The following LCOR variants were observed in gnomAD, a reference collection of about 807,000 sequenced individuals.
LCOR encodes the protein ligand dependent nuclear receptor corepressor.
Under a neutral mutation model 64.4 loss-of-function variants are expected in LCOR, and 14 were observed. The observed-to-expected ratio is 0.22, with a 90% confidence interval of 0.14 to 0.34. The LOEUF (loss-of-function observed/expected upper bound fraction) is 0.34, where lower values mean the gene tolerates loss of function less well. Ranked by LOEUF, LCOR falls within the 10% of genes least tolerant of loss-of-function variation. LCOR has a pLI of 1.00. For synonymous variants in LCOR, 643 were observed against 642.5 expected (o/e 1.00, Z -0.01); for missense variants, 1,686 against 1,765.3 (o/e 0.96, Z 0.80).
At chr10:96,867,146 C>T (rs757968776) in intron 2 of LCOR, among the ~76,000 whole-genome samples, 1 of 152,118 alleles carries the variant, frequency 6.6e-6, no homozygotes, top group Non-Finnish European at 1.5e-5. Context: ...TCCCCTCAGC[C>T]TCCCAAAGTG....
At chr10:96,919,128 A>G (rs577763185) in intron 4 of LCOR, among the ~76,000 whole-genome samples, 9 of 152,324 alleles carry the variant, frequency 5.9e-5, no homozygotes, top group Admixed American at 4.6e-4. Flanking sequence ...GTAAAATTAT[A>G]TGATTCTCTG....
Position 96,981,263 on chromosome 10 carries a change from C to T in LCOR, c.803C>T (p.Pro268Leu), listed in dbSNP as rs183592849. Residue 268 changes from proline (P) to leucine (L), a missense_variant, in exon 8 of 8, where the codon CCG becomes CTG. Around this residue, in one of 3 missense-constraint regions of LCOR, gnomAD observed 313 missense variants for 247.2 expected, o/e 1.27. Coordinates refer to ENST00000421806, the MANE Select transcript of LCOR (RefSeq NM_001346516.2). ...AGCAGTTCAGTGGATAGTTTCACTC[C>T]GGGATACCTCACTGCATCTAATTGT... ...INSSSVDSFT[P>L]GYLTASNCSS... 73 of 1,120,110 alleles carry T rather than the reference C, an allele frequency of 6.5e-5. No homozygotes were observed. The Admixed American group carries it at 7.1e-4, about 11-fold the overall frequency. The allele number at this position is 1,120,110 out of a possible 1,614,324, so 69.4% of individuals were successfully genotyped here. A position where few individuals can be genotyped will look rare whatever the true frequency, so the allele number is the denominator to read the frequency against.
Position 96,970,598 on chromosome 10 carries a change from CATTTT to C in LCOR, c.333-10170_333-10166del, listed in dbSNP as rs529698846. Among the ~76,000 whole-genome samples, 1,042 of 141,086 alleles carry C rather than the reference CATTTT, an allele frequency of 7.4e-3. 15 individuals carry two copies. The highest frequency in any genetic ancestry group is 0.029 in the African/African-American group (980 of 33,666). The allele number at this position is 141,086 out of a possible 152,430, so 92.6% of individuals were successfully genotyped here. On this transcript the variant is annotated intron_variant, in intron 7 of 7. Transcript: ENST00000421806. ...TAATGGATTGTAAGATCCTAACCAGCATTTTATTTTATTTTATTTTATTTTATTTA... is the reference window on the plus strand; with the variant it reads ...TAATGGATTGTAAGATCCTAACCAGCATTTTATTTTATTTTATTTTATTTA...
intron 4 of LCOR, among the ~76,000 whole-genome samples, chr10:96,943,647 G>C (rs1847536926): frequency 6.6e-6 from 1 of 151,888 alleles, no homozygotes; most frequent in East Asian, 1.9e-4. Flanking sequence ...CCTTTTAAAA[G>C]TGTTTGTGTT....
At chr10:96,940,711 ACTT>A (rs1403367319) in intron 4 of LCOR, among the ~76,000 whole-genome samples, 1 of 125,222 alleles carries the variant, frequency 8.0e-6, no homozygotes, top group African/African-American at 3.1e-5. Flanking sequence ...TCCCATGTCT[ACTT>A]CTATCCACAC....
chr10:96,953,339 G>A (rs868669381), intron 7 of LCOR, among the ~76,000 whole-genome samples: 4 of 152,014 alleles, frequency 2.6e-5, no homozygotes, highest in African/African-American at 9.7e-5. Flanking sequence ...ATCACTTGAG[G>A]TCAGGAGTTC....
At chr10:96,942,521 T>A (rs910204111) in intron 4 of LCOR, among the ~76,000 whole-genome samples, 5 of 152,236 alleles carry the variant, frequency 3.3e-5, no homozygotes, top group African/African-American at 4.8e-5. Context: ...TTAAATTTTT[T>A]AATACATTAT....
At chr10:96,869,650 C>T (rs1228204055) in intron 2 of LCOR, among the ~76,000 whole-genome samples, 1 of 151,276 alleles carries the variant, frequency 6.6e-6, no homozygotes. Flanking sequence ...TCTTTGCTCA[C>T]TTCAACCTCA....
intron 2 of LCOR, among the ~76,000 whole-genome samples, chr10:96,846,200 C>A (rs568498789): frequency 1.3e-5 from 2 of 151,930 alleles, no homozygotes; most frequent in East Asian, 3.9e-4. Context: ...CAGCAAGACT[C>A]TATCTCAAAA....
Position 96,983,067 on chromosome 10 carries a change from C to G in LCOR, c.2607C>G (p.Gly869=). ...EGHPGGTTPK[G]LLPDSFHTET... is the part of the protein sequence containing the mutation. Reference sequence around the variant, plus strand: ...ACCCTGGTGGGACAACACCTAAGGGCCTTCTACCTGACAGTTTCCACACGG... The same window carrying G: ...ACCCTGGTGGGACAACACCTAAGGGGCTTCTACCTGACAGTTTCCACACGG... The change falls in exon 8 of 8, where the codon GGC becomes GGG. Residue 869 remains glycine (G), a synonymous_variant. Coordinates refer to ENST00000421806, the MANE Select transcript of LCOR (RefSeq NM_001346516.2). The surrounding 1 kb of genome is among the most constrained non-coding windows in gnomAD (Gnocchi z 4.5). 1 of 1,613,836 alleles carries G rather than the reference C, an allele frequency of 6.2e-7. No individual in the cohort carries two copies. Among genetic ancestry groups the G allele is most frequent in the Non-Finnish European group, 8.5e-7 (1 of 1,179,804 alleles).
At chr10:96,963,426 T>A (rs1847912162) in intron 7 of LCOR, 1 of 152,240 alleles carries the variant, frequency 6.6e-6, no homozygotes, top group African/African-American at 2.4e-5. Flanking sequence ...ATTCAAGCAC[T>A]GGTCCTTGGG....
chr10:96,942,301 GGCGTGGCGGCGCGCGCCT>G, intron 4 of LCOR, among the ~76,000 whole-genome samples: 1 of 152,268 alleles, frequency 6.6e-6, no homozygotes, highest in African/African-American at 2.4e-5. Flanking sequence ...AAACCAGTCA[GGCGTGGCGGCGCGCGCCT>G]GCAATCGCAG....
Position 96,985,774 on chromosome 10 carries a change from G to A in LCOR, c.*640G>A, listed in dbSNP as rs1350123075. 6.0e-6 allele frequency: 1 copy of A among 166,998 alleles called. No individual in the cohort carries two copies. The highest frequency in any genetic ancestry group is 6.5e-5 in the Admixed American group (1 of 15,288). The allele number at this position is 166,998 out of a possible 1,614,324, so 10.3% of individuals were successfully genotyped here. A position where few individuals can be genotyped will look rare whatever the true frequency, so the allele number is the denominator to read the frequency against. ...GTTGGTCCCTCCTCTCACCTTTGAT[G>A]TTTTGTCATTTGAGAGCATGTATTC... On this transcript the variant is annotated 3_prime_UTR_variant, in exon 8 of 8. Coordinates refer to ENST00000421806, the MANE Select transcript of LCOR (RefSeq NM_001346516.2).
At chr10:96,843,286 G>A (rs1448508309) in intron 2 of LCOR, among the ~76,000 whole-genome samples, 1 of 151,968 alleles carries the variant, frequency 6.6e-6, no homozygotes, top group Non-Finnish European at 1.5e-5. Context: ...CATCATGCCT[G>A]GCTAGTTTTT....
At chr10:96,949,363 C>T in intron 6 of LCOR, 68 bp downstream of exon 6, 1 of 1,370,510 alleles carries the variant, frequency 7.3e-7, no homozygotes, top group Admixed American at 1.9e-5. Context: ...AAAAAAAAAG[C>T]ATTGGCAAGT....
At chr10:96,851,507 C>T (rs897923815) in intron 2 of LCOR, among the ~76,000 whole-genome samples, 1 of 152,058 alleles carries the variant, frequency 6.6e-6, no homozygotes, top group Non-Finnish European at 1.5e-5. Context: ...CGAAAAAGTG[C>T]CTGTGGATGA....
intron 4 of LCOR, among the ~76,000 whole-genome samples, chr10:96,927,148 C>G (rs896822279): frequency 2.0e-5 from 3 of 152,074 alleles, no homozygotes; most frequent in African/African-American, 7.2e-5. Context: ...TATGAGAGTT[C>G]CAGTGTTCCT....
intron 2 of LCOR, among the ~76,000 whole-genome samples, chr10:96,850,264 T>C (rs1204517338): frequency 6.6e-6 from 1 of 152,046 alleles, no homozygotes; most frequent in African/African-American, 2.4e-5. Flanking sequence ...AGCGGAAAGA[T>C]CAAGGCCGGG....
At chr10:96,891,431 A>G (rs1259439072) in intron 2 of LCOR, among the ~76,000 whole-genome samples, 1 of 79,888 alleles carries the variant, frequency 1.3e-5, no homozygotes, top group Non-Finnish European at 2.6e-5. Flanking sequence ...GTTTGTCAAT[A>G]TTGATTTTTT....
Sources: allele counts gnomAD v4.1 joint callset (sites outside exome capture counted in the v4.1 genomes callset), GRCh38; gene constraint gnomAD v4.1.1; regional missense constraint gnomAD v4.1.1; non-coding constraint Gnocchi (gnomAD v3.1); transcripts MANE v1.5; gene names NCBI Gene and HGNC (gene_info 2026-07-23, HGNC 2026-07-21).